The following STAU2 variants were observed in gnomAD, a reference collection of about 807,000 sequenced individuals.
STAU2 encodes staufen double-stranded RNA binding protein 2, also known as double-stranded RNA-binding protein Staufen homolog 2.
Under a neutral mutation model 65.9 loss-of-function variants are expected in STAU2, and 20 were observed. The observed-to-expected ratio is 0.30, with a 90% confidence interval of 0.21 to 0.44. The LOEUF (loss-of-function observed/expected upper bound fraction) is 0.44, where lower values mean the gene tolerates loss of function less well. Ranked by LOEUF, STAU2 falls within the 20% of genes least tolerant of loss-of-function variation. STAU2 has a pLI of 1.00. For synonymous variants in STAU2, 232 were observed against 233.9 expected (o/e 0.99, Z 0.07); for missense variants, 558 against 683.9 (o/e 0.82, Z 2.05).
intron 3 of STAU2, among the ~76,000 whole-genome samples, chr8:73,728,653 T>C (rs1271607784): frequency 6.6e-6 from 1 of 152,210 alleles, no homozygotes; most frequent in Non-Finnish European, 1.5e-5. Context: ...AAGTCTTTCA[T>C]AAGCAAGTCA....
chr8:73,641,317 C>A, intron 6 of STAU2, among the ~76,000 whole-genome samples: 1 of 151,980 alleles, frequency 6.6e-6, no homozygotes, highest in East Asian at 1.9e-4. Flanking sequence ...CAAGATGGTG[C>A]CACTGCACTC....
chr8:73,702,925 C>T (rs1345272908), intron 4 of STAU2, among the ~76,000 whole-genome samples: 1 of 152,168 alleles, frequency 6.6e-6, no homozygotes, highest in Non-Finnish European at 1.5e-5. Context: ...AACTAGAACT[C>T]TCATACACCG....
intron 4 of STAU2, among the ~76,000 whole-genome samples, chr8:73,696,890 C>G (rs1320505871): frequency 1.3e-5 from 2 of 152,134 alleles, no homozygotes; most frequent in African/African-American, 4.8e-5. Context: ...GGTTATAGAA[C>G]ACCAAGCAGA....
At chr8:73,591,901 A>AAAAC (rs1477514660) in intron 11 of STAU2, among the ~76,000 whole-genome samples, 2,110 of 142,100 alleles carry the variant, frequency 0.015, 21 homozygotes, top group Non-Finnish European at 0.024. Flanking sequence ...AAAAAAAAAA[A>AAAAC]AAAAAAAAAA....
chr8:73,429,931 C>G (rs1375692077), intron 13 of STAU2, among the ~76,000 whole-genome samples: 1 of 152,230 alleles, frequency 6.6e-6, no homozygotes, highest in Non-Finnish European at 1.5e-5. Context: ...GGGGAGCACA[C>G]AGTGTCCCGT....
intron 1 of STAU2, among the ~76,000 whole-genome samples, chr8:73,741,955 A>G (rs926209262): frequency 6.6e-6 from 1 of 152,272 alleles, no homozygotes; most frequent in African/African-American, 2.4e-5. Context: ...AAATTAAAAC[A>G]CATGAAACTA....
chr8:73,668,653 ATC>A (rs982574497), intron 6 of STAU2, among the ~76,000 whole-genome samples: 125 of 152,292 alleles, frequency 8.2e-4, no homozygotes, highest in African/African-American at 2.9e-3. Flanking sequence ...TTCATAATAT[ATC>A]TGTTAGTGAA....
At chr8:73,502,268 G>GA (rs11433477) in intron 13 of STAU2, among the ~76,000 whole-genome samples, 117,899 of 151,620 alleles carry the variant, frequency 0.78, 46,322 homozygotes, top group East Asian at 0.94. Flanking sequence ...AGAAGCACCA[G>GA]AAAAAAAATT....
chr8:73,471,229 A>G (rs2128905775), intron 13 of STAU2, among the ~76,000 whole-genome samples: 1 of 142,284 alleles, frequency 7.0e-6, no homozygotes, highest in South Asian at 2.2e-4. Flanking sequence ...CTGCAGTGCC[A>G]TGGCACAATC....
chr8:73,595,222 T>A lies in STAU2; in HGVS notation c.1105A>T (p.Met369Leu). ...KIAKKNAAEA[M>L]LLQLGYKAST... ...GCTTTATAACCAAGTTGTAACAGCA[T>A]TGCTTCTGCAGCATTTTTTTTGGCT... Residue 369 changes from methionine (M) to leucine (L), a missense_variant, in exon 11 of 15, where the codon ATG becomes TTG. By Grantham distance (15) the Met-to-Leu change is conservative. Transcript: ENST00000524300. 6.2e-7 allele frequency: 1 copy of A among 1,611,840 alleles called. No homozygotes were observed. Among genetic ancestry groups the A allele is most frequent in the South Asian group, 1.1e-5 (1 of 90,660 alleles).
chr8:73,519,662 T>G (rs1822937423), intron 13 of STAU2, among the ~76,000 whole-genome samples: 1 of 152,162 alleles, frequency 6.6e-6, no homozygotes, highest in South Asian at 2.1e-4. Flanking sequence ...GGCCAGACAT[T>G]CTATTTCTCT....
intron 13 of STAU2, among the ~76,000 whole-genome samples, chr8:73,510,768 G>A (rs1445474864): frequency 2.0e-5 from 3 of 152,198 alleles, no homozygotes; most frequent in Non-Finnish European, 2.9e-5. Context: ...CATGAGAACA[G>A]GATGGGGGAA....
At chr8:73,576,714 T>C (rs978396762) in intron 12 of STAU2, among the ~76,000 whole-genome samples, 2 of 152,166 alleles carry the variant, frequency 1.3e-5, no homozygotes, top group Non-Finnish European at 2.9e-5. Context: ...ATAATAGCAG[T>C]TAATGTTTCT....
At chr8:73,556,409 C>T (rs937568874) in intron 12 of STAU2, among the ~76,000 whole-genome samples, 4 of 152,046 alleles carry the variant, frequency 2.6e-5, no homozygotes, top group Non-Finnish European at 5.9e-5. Flanking sequence ...TATCAGACGC[C>T]CACAGAGATA....
chr8:73,444,103 G>T (rs1297459262), intron 13 of STAU2, among the ~76,000 whole-genome samples: 1 of 152,070 alleles, frequency 6.6e-6, no homozygotes, highest in African/African-American at 2.4e-5. Context: ...TGCATAGGAG[G>T]ATATTATGAA....
intron 6 of STAU2, among the ~76,000 whole-genome samples, chr8:73,628,758 ACT>A (rs1813875372): frequency 6.6e-6 from 1 of 152,182 alleles, no homozygotes; most frequent in South Asian, 2.1e-4. Flanking sequence ...GAGGGTTTAC[ACT>A]CTTTTTCGAT....
intron 5 of STAU2, among the ~76,000 whole-genome samples, chr8:73,679,210 C>T (rs754077753): frequency 5.3e-5 from 8 of 152,236 alleles, no homozygotes; most frequent in South Asian, 2.1e-4. Flanking sequence ...TACAGGTTTG[C>T]CTTTCCCAAT....
At chr8:73,530,454 A>G (rs1805739350) in intron 13 of STAU2, among the ~76,000 whole-genome samples, 1 of 152,220 alleles carries the variant, frequency 6.6e-6, no homozygotes, top group African/African-American at 2.4e-5. Context: ...GGAGGGAATC[A>G]TCTGGATTGT....
At chr8:73,746,687 TG>T in intron 1 of STAU2, 95 bp downstream of exon 1, 1 of 730,860 alleles carries the variant, frequency 1.4e-6, no homozygotes. Flanking sequence ...GGGTTCCCCG[TG>T]CTGCGGAACT....
Sources: allele counts gnomAD v4.1 joint callset (sites outside exome capture counted in the v4.1 genomes callset), GRCh38; gene constraint gnomAD v4.1.1; transcripts MANE v1.5; gene names NCBI Gene and HGNC (gene_info 2026-07-23, HGNC 2026-07-21).